NEGR1: variants seen among roughly 807,000 people sequenced by gnomAD.
NEGR1 encodes IgLON family member 4.
Under a neutral mutation model 40.9 loss-of-function variants are expected in NEGR1, and 10 were observed. The ratio of observed to expected loss-of-function variants is 0.24; its 90% confidence interval spans 0.15 to 0.42. NEGR1 has a LOEUF of 0.42. Among genes scored for constraint, NEGR1 ranks in the 10% least tolerant of loss-of-function variants. The pLI is 1.00. For synonymous variants in NEGR1, 185 were observed against 166.8 expected (o/e 1.11, Z -0.84); for missense variants, 352 against 438.9 (o/e 0.80, Z 1.77).
chr1:72,069,118 T>C (rs754869121), intron 1 of NEGR1, among the ~76,000 whole-genome samples: 1 of 152,028 alleles, frequency 6.6e-6, no homozygotes, highest in Non-Finnish European at 1.5e-5. Flanking sequence ...AGTTTAAGTA[T>C]GTAAACGATG....
At chr1:71,759,210 T>C (rs72946011) in intron 3 of NEGR1, among the ~76,000 whole-genome samples, 2,623 of 151,736 alleles carry the variant, frequency 0.017, 62 homozygotes, top group African/African-American at 0.06. Flanking sequence ...GGAATTTCCA[T>C]CTGTAGAATC....
chr1:71,480,729 C>G (rs987691081), intron 6 of NEGR1, among the ~76,000 whole-genome samples: 6 of 151,984 alleles, frequency 3.9e-5, no homozygotes, highest in African/African-American at 1.4e-4. Context: ...CTTTGAGAAA[C>G]AAGAGATATT....
chr1:72,210,153 C>T lies in NEGR1; in HGVS notation c.176+72166G>A, dbSNP rs1003404219. 5.3e-5 allele frequency among the ~76,000 whole-genome samples: 8 copies of T among 151,890 alleles called. No homozygotes were observed. The East Asian group carries it at 7.8e-4, about 15-fold the overall frequency. On this transcript the variant is annotated intron_variant, in intron 1 of 6. Coordinates refer to ENST00000357731, the MANE Select transcript of NEGR1 (RefSeq NM_173808.3). ...AGGGGTCTCTGAATTTCATTTACTC[C>T]ATAAATAAAAACTATTTTCATAAAT...
intron 1 of NEGR1, among the ~76,000 whole-genome samples, chr1:72,199,757 G>C (rs767453352): frequency 1.3e-5 from 2 of 151,810 alleles, no homozygotes; most frequent in African/African-American, 4.8e-5. Flanking sequence ...AACATAAAAT[G>C]TTCATTAAAA....
chr1:71,693,545 C>T (rs888102293), intron 4 of NEGR1, among the ~76,000 whole-genome samples: 24 of 151,456 alleles, frequency 1.6e-4, no homozygotes, highest in African/African-American at 5.6e-4. Flanking sequence ...ATATTTATAA[C>T]ATTTATACAT....
At chr1:72,224,663 TA>T (rs1427527788) in intron 1 of NEGR1, among the ~76,000 whole-genome samples, 1 of 152,090 alleles carries the variant, frequency 6.6e-6, no homozygotes, top group Non-Finnish European at 1.5e-5. Flanking sequence ...GTCTGGATTT[TA>T]AAAAGTAGCT....
At chr1:71,989,261 T>G (rs2100354828) in intron 1 of NEGR1, among the ~76,000 whole-genome samples, 1 of 152,256 alleles carries the variant, frequency 6.6e-6, no homozygotes, top group South Asian at 2.1e-4. Context: ...ACCTAAACAC[T>G]TGTTTACCAG....
chr1:71,942,109 C>T (rs895371995), intron 1 of NEGR1, among the ~76,000 whole-genome samples: 29 of 150,902 alleles, frequency 1.9e-4, no homozygotes, highest in African/African-American at 6.8e-4. Context: ...AAACAAGTAG[C>T]ATTGGTTTCT....
At chr1:71,667,607 C>A (rs977868164) in intron 4 of NEGR1, among the ~76,000 whole-genome samples, 2 of 152,152 alleles carry the variant, frequency 1.3e-5, no homozygotes, top group African/African-American at 4.8e-5. Flanking sequence ...TCTTTTACTT[C>A]ATAATTTTGT....
chr1:71,895,162 T>C (rs565422615), intron 2 of NEGR1, among the ~76,000 whole-genome samples: 1 of 152,304 alleles, frequency 6.6e-6, no homozygotes, highest in East Asian at 1.9e-4. Flanking sequence ...TCTACTTATG[T>C]GCCTCTATTG....
intron 2 of NEGR1, among the ~76,000 whole-genome samples, chr1:71,844,104 G>A (rs1026846872): frequency 2.0e-5 from 3 of 152,166 alleles, no homozygotes; most frequent in South Asian, 2.1e-4. Flanking sequence ...AGGTTAAGGG[G>A]ACAGGTTCTG....
At chr1:71,427,885 A>G (rs889866484) in intron 6 of NEGR1, among the ~76,000 whole-genome samples, 2 of 152,216 alleles carry the variant, frequency 1.3e-5, no homozygotes, top group Non-Finnish European at 2.9e-5. Context: ...ATATGCTATG[A>G]GCCATACAAA....
intron 2 of NEGR1, among the ~76,000 whole-genome samples, chr1:71,786,880 A>G (rs1656930421): frequency 6.6e-6 from 1 of 152,202 alleles, no homozygotes; most frequent in African/African-American, 2.4e-5. Flanking sequence ...AAAGCAAAAA[A>G]TATTTGTTTC....
Position 72,249,033 on chromosome 1 carries a change from C to T in NEGR1, c.176+33286G>A, listed in dbSNP as rs1424810724. Among the ~76,000 whole-genome samples the T allele has an allele frequency of 2.0e-5, 3 of 152,182 alleles. No homozygotes were observed. In the East Asian group the frequency reaches 5.8e-4, roughly 29 times the overall value. ...TGCTAGGGTCTTAATGATTGTGTCC[C>T]CCAAAATTCATATGTTGAAACCCAT... is the stretch of plus-strand genomic sequence containing the variant. On this transcript the variant is annotated intron_variant, in intron 1 of 6. Coordinates refer to ENST00000357731, the MANE Select transcript of NEGR1 (RefSeq NM_173808.3).
At chr1:71,757,553 G>T (rs532733403) in intron 3 of NEGR1, among the ~76,000 whole-genome samples, 3 of 151,952 alleles carry the variant, frequency 2.0e-5, no homozygotes, top group African/African-American at 2.4e-5. Flanking sequence ...CTTTTCTTTT[G>T]TTCTTAATTT....
chr1:71,542,007 T>G (rs1026385807), intron 6 of NEGR1, among the ~76,000 whole-genome samples: 1 of 151,772 alleles, frequency 6.6e-6, no homozygotes, highest in South Asian at 2.1e-4. Flanking sequence ...AGAAATTCTC[T>G]GTAAAATGTA....
intron 3 of NEGR1, among the ~76,000 whole-genome samples, chr1:71,728,708 GC>G: frequency 6.6e-6 from 1 of 152,234 alleles, no homozygotes; most frequent in South Asian, 2.1e-4. Flanking sequence ...AACATTGATT[GC>G]CTCTCAGAGT....
chr1:72,052,411 A>T (rs1441274791), intron 1 of NEGR1, among the ~76,000 whole-genome samples: 2 of 151,456 alleles, frequency 1.3e-5, no homozygotes, highest in African/African-American at 4.8e-5. Context: ...ATGAATTTAA[A>T]TGAAGAATCT....
chr1:71,968,021 C>G (rs915113208), intron 1 of NEGR1, among the ~76,000 whole-genome samples: 1 of 150,844 alleles, frequency 6.6e-6, no homozygotes, highest in Non-Finnish European at 1.5e-5. Flanking sequence ...GCTACAACTA[C>G]GGAAGACCAG....
Sources: gnomAD v4.1 joint callset for allele counts (sites outside exome capture counted in the v4.1 genomes callset) on GRCh38, gnomAD v4.1.1 for gene constraint, MANE v1.5 for transcripts, NCBI Gene and HGNC (gene_info 2026-07-23, HGNC 2026-07-21) for gene names.